The following LRP1B variants were observed in gnomAD, a reference collection of about 807,000 sequenced individuals.
LRP1B encodes the protein low-density lipoprotein receptor-related protein 1B.
A neutral mutation model predicts 556.6 loss-of-function variants in LRP1B; 217 were observed. That is an observed-to-expected ratio of 0.39 (90% confidence interval 0.35 to 0.44). The LOEUF (loss-of-function observed/expected upper bound fraction) is 0.44. Among genes scored for constraint, LRP1B ranks in the 20% least tolerant of loss-of-function variants. The probability of loss-of-function intolerance (pLI) is 1.00; values close to 1 mark genes in which losing one functional copy is unlikely to be tolerated. For synonymous variants in LRP1B, 2,047 were observed against 1,865.8 expected (o/e 1.10, Z -2.50); for missense variants, 5,053 against 5,620.8 (o/e 0.90, Z 3.23).
intron 2 of LRP1B, among the ~76,000 whole-genome samples, chr2:141,565,747 A>C (rs1029538404): frequency 6.6e-6 from 1 of 152,256 alleles, no homozygotes; most frequent in Non-Finnish European, 1.5e-5. Flanking sequence ...ACTAAGTTAC[A>C]TAATGGTAAG....
chr2:140,292,862 G>A (rs6735268), intron 84 of LRP1B, among the ~76,000 whole-genome samples: 10,214 of 152,136 alleles, frequency 0.067, 379 homozygotes, highest in Middle Eastern at 0.14. Flanking sequence ...TAATCCCATC[G>A]TGTCATCAAA....
At chr2:140,626,127 AG>A (rs1274646219) in intron 41 of LRP1B, among the ~76,000 whole-genome samples, 1 of 152,234 alleles carries the variant, frequency 6.6e-6, no homozygotes, top group Non-Finnish European at 1.5e-5. Context: ...CAATCTGTAA[AG>A]GCTGCATACT....
At chr2:141,259,865 C>T (rs1244509722) in intron 3 of LRP1B, among the ~76,000 whole-genome samples, 1 of 151,736 alleles carries the variant, frequency 6.6e-6, no homozygotes, top group Non-Finnish European at 1.5e-5. Flanking sequence ...TAAAATATTG[C>T]TGACACATAG....
At chr2:140,318,866 G>T (rs2105045417) in intron 82 of LRP1B, among the ~76,000 whole-genome samples, 1 of 152,068 alleles carries the variant, frequency 6.6e-6, no homozygotes, top group Non-Finnish European at 1.5e-5. Context: ...ATTCATATAT[G>T]TCTACAAACA....
At chr2:140,451,109 T>C (rs1265330034) in intron 62 of LRP1B, among the ~76,000 whole-genome samples, 2 of 151,962 alleles carry the variant, frequency 1.3e-5, no homozygotes, top group African/African-American at 2.4e-5. Context: ...GCCCAGAAAA[T>C]TTTTATATTT....
At chr2:141,839,477 A>C (rs933651341) in intron 1 of LRP1B, among the ~76,000 whole-genome samples, 3 of 152,342 alleles carry the variant, frequency 2.0e-5, no homozygotes, top group Middle Eastern at 6.8e-3. Context: ...TTAGATTAAA[A>C]TTAAAAACAA....
At chr2:141,212,013 A>C (rs1682575026) in intron 6 of LRP1B, among the ~76,000 whole-genome samples, 1 of 152,156 alleles carries the variant, frequency 6.6e-6, no homozygotes, top group Non-Finnish European at 1.5e-5. Flanking sequence ...TGCTAAATAG[A>C]AGATAAGAAG....
intron 1 of LRP1B, among the ~76,000 whole-genome samples, chr2:142,024,643 T>C (rs1210481909): frequency 6.7e-6 from 1 of 150,318 alleles, no homozygotes; most frequent in Non-Finnish European, 1.5e-5. Flanking sequence ...TTTGTATTTG[T>C]TTTTGCTTTC....
At chr2:140,982,366 A>G in intron 17 of LRP1B, 90 bp from the exon 18 acceptor site, 1 of 746,024 alleles carries the variant, frequency 1.3e-6, no homozygotes. Context: ...CCTTTCATAC[A>G]TAAGATAGTA....
At chr2:141,911,250 T>C (rs148682401) in intron 1 of LRP1B, among the ~76,000 whole-genome samples, 5 of 152,376 alleles carry the variant, frequency 3.3e-5, no homozygotes, top group African/African-American at 1.2e-4. Flanking sequence ...GTATTACATT[T>C]AATGCAATCT....
At chr2:141,779,299 G>T (rs1695169608) in intron 2 of LRP1B, among the ~76,000 whole-genome samples, 1 of 151,962 alleles carries the variant, frequency 6.6e-6, no homozygotes, top group South Asian at 2.1e-4. Flanking sequence ...TGAGCCAGAT[G>T]GTGTTGTTGC....
intron 2 of LRP1B, among the ~76,000 whole-genome samples, chr2:141,524,635 T>C (rs1684634445): frequency 6.6e-6 from 1 of 152,060 alleles, no homozygotes; most frequent in Non-Finnish European, 1.5e-5. Flanking sequence ...TAATTCTTCC[T>C]CCAATGTGGC....
intron 31 of LRP1B, 41 bp downstream of exon 31, chr2:140,839,950 G>C (rs373524683): frequency 2.1e-5 from 25 of 1,191,680 alleles, no homozygotes; most frequent in Non-Finnish European, 3.0e-5. Context: ...GTACAGGTTT[G>C]TCACATTGAA....
intron 1 of LRP1B, among the ~76,000 whole-genome samples, chr2:142,119,156 A>C (rs916717674): frequency 6.6e-6 from 1 of 152,144 alleles, no homozygotes; most frequent in Non-Finnish European, 1.5e-5. Context: ...ATCTCTTTTC[A>C]TTTTAACCTA....
chr2:141,023,284 A>G (rs1314437123), intron 11 of LRP1B, among the ~76,000 whole-genome samples: 1 of 151,760 alleles, frequency 6.6e-6, no homozygotes, highest in Non-Finnish European at 1.5e-5. Flanking sequence ...CACATATCTC[A>G]TTCAAATTTA....
chr2:141,955,509 G>A (rs1222319347), intron 1 of LRP1B, among the ~76,000 whole-genome samples: 1 of 151,938 alleles, frequency 6.6e-6, no homozygotes, highest in African/African-American at 2.4e-5. Context: ...GTTTCTCTAG[G>A]GATTATATTC....
At chr2:140,678,642 C>A (rs1290289143) in intron 41 of LRP1B, among the ~76,000 whole-genome samples, 3 of 152,264 alleles carry the variant, frequency 2.0e-5, no homozygotes, top group Admixed American at 1.3e-4. Context: ...TTTGTTAGGG[C>A]AGCCATAACA....
At position 140,358,047 on chromosome 2, in the gene LRP1B, G is replaced by A. The variant is rs1410664456; in HGVS notation, c.11327C>T (p.Pro3776Leu). Residue 3776 changes from proline (P) to leucine (L), a missense_variant, in exon 74 of 91, where the codon CCT becomes CTT. This residue lies in a region of LRP1B where 599 missense variants were observed against 648.4 expected (regional missense o/e 0.92). Coordinates refer to ENST00000389484, the MANE Select transcript of LRP1B (RefSeq NM_018557.3). ...AAGTCGATCACACTGGAGATCCATA[G>A]GGATGCATTTTTTATTACTACAAGC... ...EFACSNKKCI[P>L]MDLQCDRLDD... The A allele has an allele frequency of 6.8e-6, 11 of 1,611,356 alleles. No homozygotes were observed. Among genetic ancestry groups the A allele is most frequent in the Non-Finnish European group, 9.3e-6 (11 of 1,178,344 alleles).
chr2:141,023,177 T>C (rs770181282), intron 11 of LRP1B, among the ~76,000 whole-genome samples: 1 of 151,978 alleles, frequency 6.6e-6, no homozygotes, highest in Non-Finnish European at 1.5e-5. Context: ...CTCAAATTAT[T>C]ATAATTTCTA....
Sources: allele counts gnomAD v4.1 joint callset (sites outside exome capture counted in the v4.1 genomes callset), GRCh38; gene constraint gnomAD v4.1.1; regional missense constraint gnomAD v4.1.1; transcripts MANE v1.5; gene names NCBI Gene and HGNC (gene_info 2026-07-23, HGNC 2026-07-21).